The following MAP3K6 variants were observed in gnomAD, a reference collection of about 807,000 sequenced individuals.
MAP3K6 encodes apoptosis signal-regulating kinase 2.
MAP3K6 carries 105 observed loss-of-function variants against 147.1 expected under a neutral mutation model. The observed-to-expected ratio is 0.71, with a 90% CI of 0.61 to 0.84. The LOEUF (loss-of-function observed/expected upper bound fraction) is 0.84. MAP3K6 is among the 40% of genes least tolerant of loss of function. MAP3K6 has a pLI of 0.00. For synonymous variants in MAP3K6, 695 were observed against 732.4 expected (o/e 0.95, Z 0.82); for missense variants, 1,569 against 1,715.0 (o/e 0.91, Z 1.50).
intron 13 of MAP3K6, 27 bp downstream of exon 13, chr1:27,361,129 AG>A: frequency 6.3e-7 from 1 of 1,582,322 alleles, no homozygotes; most frequent in Non-Finnish European, 8.6e-7. Context: ...TGGCCCTCAG[AG>A]TACCCCGACC....
Position 27,364,595 on chromosome 1 carries a change from A to T in MAP3K6, c.504+66T>A. ...GGTGACTGAGGAGGCCAGGGGGATT[A>T]GTGGAGGTCAGAGGTCATAGCGGAA... On this transcript the variant is annotated intron_variant, in intron 3 of 28. Transcript: ENST00000357582. This position sits in a 1 kb window ranked among gnomAD's most constrained non-coding sequence, Gnocchi z 4.4. The T allele has an allele frequency of 6.2e-7, 1 of 1,607,908 alleles. No individual in the cohort carries two copies. The highest frequency in any genetic ancestry group is 8.5e-7 in the Non-Finnish European group (1 of 1,174,364).
At position 27,361,880 on chromosome 1, in the gene MAP3K6, C is replaced by T; in HGVS notation, c.1416-13G>A. 1 of 1,531,268 alleles carries T rather than the reference C, an allele frequency of 6.5e-7. No homozygotes were observed. The highest frequency in any genetic ancestry group is 8.8e-7 in the Non-Finnish European group (1 of 1,135,814). The allele number at this position is 1,531,268 out of a possible 1,614,324, so 94.9% of individuals were successfully genotyped here. A position where few individuals can be genotyped will look rare whatever the true frequency, so the allele number is the denominator to read the frequency against. ...GGACACCAGGTACCTGCATGCAAAG[C>T]CACATCCTCAGTTCAGCCCAGGCAC... is the stretch of plus-strand genomic sequence containing the variant. On this transcript the variant is annotated splice_polypyrimidine_tract_variant and intron_variant, in intron 9 of 28. Coordinates refer to ENST00000357582, the MANE Select transcript of MAP3K6 (RefSeq NM_004672.5).
Position 27,366,271 on chromosome 1 carries a change from G to A in MAP3K6, c.327C>T (p.Ala109=). 9 of 1,337,008 alleles carry A rather than the reference G, an allele frequency of 6.7e-6. No homozygotes were observed. The highest frequency in any genetic ancestry group is 8.6e-6 in the Non-Finnish European group (9 of 1,045,096). 82.8% of individuals were successfully genotyped at this position (1,337,008 alleles called of 1,614,324 possible). ...CAGCGCTCTCACCCGCGTTGTAGAA[G>A]GCATCCAGAGCCGCGGTGTCGCCTA... ...LELGDTAALD[A]FYNADVVVLE... Residue 109 remains alanine (A), a synonymous_variant, in exon 1 of 29, where the codon GCC becomes GCT. Transcript: ENST00000357582. The surrounding 1 kb of genome is among the most constrained non-coding windows in gnomAD (Gnocchi z 5.5).
chr1:27,357,908 C>A (rs1163578254), intron 21 of MAP3K6, 32 bp from the exon 22 acceptor site: 1 of 1,547,442 alleles, frequency 6.5e-7, no homozygotes. Context: ...TGATTGAGGA[C>A]GGGCAGCAAC....
Position 27,362,743 on chromosome 1 carries a change from C to G in MAP3K6, c.1153G>C (p.Ala385Pro). 1 of 1,612,640 alleles carries G rather than the reference C, an allele frequency of 6.2e-7. No homozygotes were observed. The highest frequency in any genetic ancestry group is 2.2e-5 in the East Asian group (1 of 44,868). Residue 385 changes from alanine (A) to proline (P), a missense_variant, in exon 8 of 29, where the codon GCT becomes CCT. Coordinates refer to ENST00000357582, the MANE Select transcript of MAP3K6 (RefSeq NM_004672.5). ...TGAAGGCTGGGCTCTACGTCAAAAGCCTTGCGATACCTGGGGTGGGGGTAG... is the reference window on the plus strand; with the variant it reads ...TGAAGGCTGGGCTCTACGTCAAAAGGCTTGCGATACCTGGGGTGGGGGTAG... ...REQAYHWYRK[A>P]FDVEPSLHSG...
Position 27,360,430 on chromosome 1 carries a change from C to G in MAP3K6, c.2055-62G>C. On this transcript the variant is annotated intron_variant, in intron 15 of 28. Coordinates refer to ENST00000357582, the MANE Select transcript of MAP3K6 (RefSeq NM_004672.5). The surrounding 1 kb of genome is among the most constrained non-coding windows in gnomAD (Gnocchi z 4.5). ...GTGGGCAGAGAAGCCCCGCCCATCC[C>G]ACGCCAGCCTGGCCCCGCCCCAAGG... 1 of 1,558,460 alleles carries G rather than the reference C, an allele frequency of 6.4e-7. No individual in the cohort carries two copies. Among genetic ancestry groups the G allele is most frequent in the Non-Finnish European group, 8.7e-7 (1 of 1,150,406 alleles).
Position 27,358,203 on chromosome 1 carries a change from A to G in MAP3K6, c.2893T>C (p.Tyr965His), listed in dbSNP as rs1309982167. The change falls in exon 21 of 29, where the codon TAT (tyrosine) becomes CAT (histidine). Residue 965 changes from tyrosine (Y) to histidine (H), a missense_variant. By Grantham distance (83) the Tyr-to-His change is moderately conservative (BLOSUM62 2). Coordinates refer to ENST00000357582, the MANE Select transcript of MAP3K6 (RefSeq NM_004672.5). The surrounding 1 kb of genome is among the most constrained non-coding windows in gnomAD (Gnocchi z 6.2). ...CACCGGAGCTGGCTGGTGCCCCCAT[A>G]ACTGAGGCAGCGCTTCGGGGGGCTG... ...PPSPPKRCLS[Y>H]GGTSQLRVPE... is the part of the protein sequence containing the mutation. The G allele has an allele frequency of 8.2e-6, 13 of 1,593,384 alleles. No homozygotes were observed. The highest frequency in any genetic ancestry group is 1.1e-5 in the Non-Finnish European group (13 of 1,174,168).
Position 27,360,871 on chromosome 1 carries a change from A to G in MAP3K6, c.1921-33T>C. On this transcript the variant is annotated intron_variant, in intron 14 of 28. Transcript: ENST00000357582. This position sits in a 1 kb window ranked among gnomAD's most constrained non-coding sequence, Gnocchi z 4.5. ...GCGCGGGGTGAGATGGGAGTTCAGC[A>G]GGGCCCGCGGCCCCTCGCCCTCCGC... 1 of 1,611,266 alleles carries G rather than the reference A, an allele frequency of 6.2e-7. No individual in the cohort carries two copies. Among genetic ancestry groups the G allele is most frequent in the Non-Finnish European group, 8.5e-7 (1 of 1,179,044 alleles).
chr1:27,362,218 C>A lies in MAP3K6; in HGVS notation c.1288G>T (p.Gly430Cys). 6.2e-7 allele frequency: 1 copy of A among 1,613,002 alleles called. No individual in the cohort carries two copies. The highest frequency in any genetic ancestry group is 1.1e-5 in the South Asian group (1 of 91,006). ...MKLGCLLARK[G>C]CVEKMQYYWD... is the part of the protein sequence containing the mutation. ...TAATACTGCATCTTCTCCACGCAGC[C>A]TTTGCGGGCCAGCAGGCAGCCCAGC... The change falls in exon 9 of 29, where the codon GGC becomes TGC. Residue 430 changes from glycine (G) to cysteine (C), a missense_variant. Coordinates refer to ENST00000357582, the MANE Select transcript of MAP3K6 (RefSeq NM_004672.5).
At position 27,359,638 on chromosome 1, in the gene MAP3K6, T is replaced by C; in HGVS notation, c.2320-116A>G. ...CCTGGTCCTGCCTCTGTCAACACTCTCCCCTTGCCATCCCACTTATATGCC... is the reference window on the plus strand; with the variant it reads ...CCTGGTCCTGCCTCTGTCAACACTCCCCCCTTGCCATCCCACTTATATGCC... On this transcript the variant is annotated intron_variant, in intron 17 of 28. Transcript: ENST00000357582. This position sits in a 1 kb window ranked among gnomAD's most constrained non-coding sequence, Gnocchi z 4.4. 6.7e-7 allele frequency: 1 copy of C among 1,486,694 alleles called. No individual in the cohort carries two copies. The highest frequency in any genetic ancestry group is 9.2e-7 in the Non-Finnish European group (1 of 1,092,654). 92.1% of individuals were successfully genotyped at this position (1,486,694 alleles called of 1,614,324 possible). A position where few individuals can be genotyped will look rare whatever the true frequency, so the allele number is the denominator to read the frequency against.
At chr1:27,363,050 C>T (rs1163744533) in intron 6 of MAP3K6, 29 bp from the exon 7 acceptor site, 1 of 1,596,482 alleles carries the variant, frequency 6.3e-7, no homozygotes, top group Non-Finnish European at 8.5e-7. Context: ...CAGGCCCTCC[C>T]TGATGGCCCT....
chr1:27,364,763 G>C lies in MAP3K6; in HGVS notation c.480+10C>G. 2 of 1,613,814 alleles carry C rather than the reference G, an allele frequency of 1.2e-6. No individual in the cohort carries two copies. The highest frequency in any genetic ancestry group is 1.7e-6 in the Non-Finnish European group (2 of 1,179,692). ...CCTGTGCCTGCCTCCACCAGCCCCA[G>C]GCCACCTACCCGCAGGGCCTGCAGG... On this transcript the variant is annotated intron_variant, in intron 2 of 28. Transcript: ENST00000357582. The surrounding 1 kb of genome is among the most constrained non-coding windows in gnomAD (Gnocchi z 4.4).
Position 27,362,998 on chromosome 1 carries a change from G to C in MAP3K6, c.995C>G (p.Ala332Gly), listed in dbSNP as rs748673521. 6.2e-7 allele frequency: 1 copy of C among 1,613,842 alleles called. No individual in the cohort carries two copies. The highest frequency in any genetic ancestry group is 1.1e-5 in the South Asian group (1 of 91,076). The change falls in exon 7 of 29, where the codon GCG (alanine) becomes GGG (glycine). Residue 332 changes from alanine to glycine, a missense_variant. Transcript: ENST00000357582. ...CGGCAGCAGCACAGACAGGGCCTTC[G>C]CCCGGTCCCCAGGCCTGTTCCTCCT... is the stretch of plus-strand genomic sequence containing the variant. ...LNRRNRPGDR[A>G]KALSVLLPLV...
chr1:27,356,828 G>A, intron 24 of MAP3K6, 79 bp from the exon 25 acceptor site: 1 of 1,499,944 alleles, frequency 6.7e-7, no homozygotes, highest in Non-Finnish European at 8.9e-7. Context: ...CGGGGGTAGG[G>A]TGCCCGGCTC....
rs373785402 is a variant in MAP3K6, at chr1:27,357,058, G to C, written c.3315C>G (p.Asp1105Glu). 22 of 1,613,994 alleles carry C rather than the reference G, an allele frequency of 1.4e-5. No individual in the cohort carries two copies. The African/African-American group carries it at 2.9e-4, about 22-fold the overall frequency. Residue 1105 changes from aspartate to glutamate, a missense_variant, in exon 24 of 29, where the codon GAC becomes GAG. Transcript: ENST00000357582. ...QIRPHWMFVL[D>E]SLLSRAVRAA... Reference sequence around the variant, plus strand: ...CCCGCACAGCACGGCTGAGCAGTGAGTCCAGAACGAACATCCAGTGTGGAC... The same window carrying C: ...CCCGCACAGCACGGCTGAGCAGTGACTCCAGAACGAACATCCAGTGTGGAC...
In MAP3K6 at chr1:27,364,613, T is replaced by A; in HGVS notation, c.504+48A>T. 6.2e-7 allele frequency: 1 copy of A among 1,613,726 alleles called. No homozygotes were observed. The highest frequency in any genetic ancestry group is 8.5e-7 in the Non-Finnish European group (1 of 1,179,648). On this transcript the variant is annotated intron_variant, in intron 3 of 28. Transcript: ENST00000357582. The surrounding 1 kb of genome is among the most constrained non-coding windows in gnomAD (Gnocchi z 4.4). ...GGGGATTAGTGGAGGTCAGAGGTCA[T>A]AGCGGAAGTCAAAGGGCACTTTTGA...
Position 27,359,840 on chromosome 1 carries a change from G to A in MAP3K6, c.2319+18C>T, listed in dbSNP as rs765922192. On this transcript the variant is annotated intron_variant, in intron 17 of 28. Transcript: ENST00000357582. This position sits in a 1 kb window ranked among gnomAD's most constrained non-coding sequence, Gnocchi z 4.4. ...CGCCACCCTCAGCAGATGAGGGCGG[G>A]CCAGCCCCAGGGCTTACTTTTATGT... The A allele has an allele frequency of 2.5e-6, 4 of 1,613,956 alleles. No homozygotes were observed. The highest frequency in any genetic ancestry group is 3.3e-5 in the Admixed American group (2 of 60,014).
chr1:27,366,252 T>G lies in MAP3K6; in HGVS notation c.340+6A>C, dbSNP rs1188475913. On this transcript the variant is annotated splice_donor_region_variant and intron_variant, in intron 1 of 28. Coordinates refer to ENST00000357582, the MANE Select transcript of MAP3K6 (RefSeq NM_004672.5). This position sits in a 1 kb window ranked among gnomAD's most constrained non-coding sequence, Gnocchi z 5.5. The stretch of plus-strand genomic sequence containing the variant: ...CCGGATCCGGCCCCGCCCCCAGCGC[T>G]CTCACCCGCGTTGTAGAAGGCATCC... The G allele has an allele frequency of 7.6e-7, 1 of 1,316,322 alleles. No individual in the cohort carries two copies. Among genetic ancestry groups the G allele is most frequent in the African/African-American group, 1.5e-5 (1 of 64,846 alleles). 81.5% of individuals were successfully genotyped at this position (1,316,322 alleles called of 1,614,324 possible).
Position 27,360,309 on chromosome 1 carries a change from A to G in MAP3K6, c.2114T>C (p.Ile705Thr). The G allele has an allele frequency of 6.2e-7, 1 of 1,613,974 alleles. No homozygotes were observed. The highest frequency in any genetic ancestry group is 8.5e-7 in the Non-Finnish European group (1 of 1,179,960). Residue 705 changes from isoleucine to threonine, a missense_variant, in exon 16 of 29, where the codon ATA becomes ACA. Transcript: ENST00000357582. This position sits in a 1 kb window ranked among gnomAD's most constrained non-coding sequence, Gnocchi z 4.5. The stretch of plus-strand genomic sequence containing the variant: ...GCTAGCTGAGCCCAGATAGCGCACT[A>G]TGTTCTTGTGGCGCAGGCGTCTGTG... ...ALHRRLRHKN[I>T]VRYLGSASQG...
Sources: gnomAD v4.1 joint callset for allele counts on GRCh38, gnomAD v4.1.1 for gene constraint, Gnocchi (gnomAD v3.1) non-coding constraint, MANE v1.5 for transcripts, NCBI Gene and HGNC (gene_info 2026-07-23, HGNC 2026-07-21) for gene names.